The following TFEC variants were observed in gnomAD, a reference collection of about 807,000 sequenced individuals.
TFEC encodes transcription factor EC.
In TFEC, 31 loss-of-function variants were observed where a neutral mutation model predicts 41.6. The observed-to-expected ratio is 0.74, with a 90% CI of 0.56 to 1.01. The LOEUF is 1.01. Ranked by LOEUF, TFEC falls within the 50% of genes least tolerant of loss-of-function variation. The probability of loss-of-function intolerance (pLI) is 0.00; values close to 1 mark genes in which losing one functional copy is unlikely to be tolerated. For missense variants in TFEC, 402 were observed against 404.1 expected (o/e 0.99, Z 0.04); for synonymous variants, 143 against 140.6 (o/e 1.02, Z -0.12).
chr7:115,941,818 A>G, intron 7 of TFEC, 75 bp downstream of exon 7: 1 of 1,449,074 alleles, frequency 6.9e-7, no homozygotes, highest in Non-Finnish European at 9.2e-7. Flanking sequence ...AAAATAAATG[A>G]GACCAATGAA....
At chr7:115,998,756 C>T (rs762900717) in intron 1 of TFEC, among the ~76,000 whole-genome samples, 3 of 151,788 alleles carry the variant, frequency 2.0e-5, no homozygotes, top group South Asian at 4.1e-4. Context: ...ATAATGATAA[C>T]GTAGCCAATC....
intron 3 of TFEC, among the ~76,000 whole-genome samples, chr7:116,050,549 C>T (rs1478303527): frequency 4.6e-5 from 7 of 152,190 alleles, no homozygotes; most frequent in Non-Finnish European, 2.9e-5. Flanking sequence ...TCAAAAAGTG[C>T]TCATCATCAC....
chr7:116,115,579 G>A (rs888884629), intron 1 of TFEC, among the ~76,000 whole-genome samples: 1 of 151,880 alleles, frequency 6.6e-6, no homozygotes, highest in African/African-American at 2.4e-5. Context: ...TATAAGGACT[G>A]TGTGATTGCT....
At chr7:115,950,741 C>A in intron 6 of TFEC, 133 bp downstream of exon 6, 1 of 577,036 alleles carries the variant, frequency 1.7e-6, no homozygotes, top group Non-Finnish European at 3.0e-6. Context: ...TAAAATGAGC[C>A]CAGCAATAGC....
chr7:116,110,873 C>A (rs1328718778), exon 3 of TFEC: 1 of 1,540,558 alleles, frequency 6.5e-7, no homozygotes, highest in Non-Finnish European at 8.7e-7. Flanking sequence ...GTTCTTTCAG[C>A]TGAAATTGAA....
intron 1 of TFEC, among the ~76,000 whole-genome samples, chr7:116,002,258 A>T (rs1794626889): frequency 6.6e-6 from 1 of 152,216 alleles, no homozygotes; most frequent in African/African-American, 2.4e-5. Context: ...ACACTAGCTA[A>T]GATTTGGAAG....
At chr7:116,049,985 T>C (rs997093917) in intron 3 of TFEC, among the ~76,000 whole-genome samples, 2 of 152,158 alleles carry the variant, frequency 1.3e-5, no homozygotes, top group Non-Finnish European at 2.9e-5. Flanking sequence ...AAGCAGTGTG[T>C]AGAGGGAAAT....
At chr7:115,983,041 G>A (rs1793695625) in intron 2 of TFEC, among the ~76,000 whole-genome samples, 1 of 152,028 alleles carries the variant, frequency 6.6e-6, no homozygotes, top group African/African-American at 2.4e-5. Flanking sequence ...TGAACTTTGG[G>A]AGAAGTAGTT....
intron 1 of TFEC, among the ~76,000 whole-genome samples, chr7:116,012,189 T>A (rs1037859857): frequency 2.6e-5 from 4 of 152,214 alleles, no homozygotes; most frequent in African/African-American, 9.6e-5. Flanking sequence ...TTAGATTCAG[T>A]AAAATTTCTT....
intron 3 of TFEC, among the ~76,000 whole-genome samples, chr7:116,064,621 G>A (rs549616087): frequency 2.2e-4 from 34 of 151,970 alleles, no homozygotes; most frequent in Non-Finnish European, 4.6e-4. Flanking sequence ...CTAGATGACG[G>A]GTTGATAGGT....
intron 3 of TFEC, among the ~76,000 whole-genome samples, chr7:116,093,920 G>A (rs1022129125): frequency 1.3e-5 from 2 of 152,140 alleles, no homozygotes; most frequent in African/African-American, 4.8e-5. Context: ...AAGGCGGTTT[G>A]CAAAACTTTT....
intron 3 of TFEC, among the ~76,000 whole-genome samples, chr7:115,957,355 T>C (rs781309464): frequency 6.6e-5 from 10 of 151,848 alleles, no homozygotes; most frequent in Non-Finnish European, 1.3e-4. Flanking sequence ...TTCTAGATTA[T>C]TATAAATATC....
At chr7:116,067,266 T>C (rs893037938) in intron 3 of TFEC, among the ~76,000 whole-genome samples, 1 of 152,016 alleles carries the variant, frequency 6.6e-6, no homozygotes, top group African/African-American at 2.4e-5. Flanking sequence ...TTAGGTAACA[T>C]GTAATATTCA....
intron 3 of TFEC, among the ~76,000 whole-genome samples, chr7:116,077,343 A>C (rs899658055): frequency 6.6e-6 from 1 of 152,142 alleles, no homozygotes; most frequent in Non-Finnish European, 1.5e-5. Flanking sequence ...CACAAGACCT[A>C]TACAACAATA....
chr7:116,058,706 ATAAT>A (rs1465166787), intron 3 of TFEC, among the ~76,000 whole-genome samples: 1 of 151,852 alleles, frequency 6.6e-6, no homozygotes, highest in African/African-American at 2.4e-5. Flanking sequence ...TCTCCATAGC[ATAAT>A]TAAATTTTAA....
intron 1 of TFEC, among the ~76,000 whole-genome samples, chr7:116,138,626 T>A (rs533686712): frequency 2.6e-4 from 40 of 152,344 alleles, no homozygotes; most frequent in Admixed American, 4.6e-4. Context: ...AGAACATGTA[T>A]ATCTTCTTTT....
intron 1 of TFEC, among the ~76,000 whole-genome samples, chr7:116,129,102 A>T (rs1324338233): frequency 1.3e-5 from 2 of 152,182 alleles, no homozygotes; most frequent in African/African-American, 4.8e-5. Flanking sequence ...TAAGGTAAAG[A>T]CCAATAAACC....
At chr7:116,054,043 A>C (rs758065036) in intron 3 of TFEC, among the ~76,000 whole-genome samples, 19 of 152,222 alleles carry the variant, frequency 1.2e-4, no homozygotes, top group Non-Finnish European at 2.8e-4. Context: ...GTTTACAGCT[A>C]GTAGAAGGTG....
intron 3 of TFEC, 24 bp from the exon 4 acceptor site, chr7:115,956,817 G>C (rs1439897328): frequency 6.8e-7 from 1 of 1,473,398 alleles, no homozygotes; most frequent in South Asian, 1.3e-5. Flanking sequence ...AGGAAGAAAA[G>C]ATTAATAAAA....
Sources: gnomAD v4.1 joint callset for allele counts (sites outside exome capture counted in the v4.1 genomes callset) on GRCh38, gnomAD v4.1.1 for gene constraint, MANE v1.5 for transcripts, NCBI Gene and HGNC (gene_info 2026-07-23, HGNC 2026-07-21) for gene names.